Variants in MYO3B observed in about 807,000 individuals in gnomAD.
The protein encoded by MYO3B is myosin-IIIb.
Under a neutral mutation model 174.6 loss-of-function variants are expected in MYO3B, and 156 were observed. The ratio of observed to expected loss-of-function variants is 0.89; its 90% CI spans 0.78 to 1.02. The LOEUF (loss-of-function observed/expected upper bound fraction) is 1.02, where lower values mean the gene tolerates loss of function less well. Ranked by LOEUF, MYO3B falls within the 50% of genes least tolerant of loss-of-function variation. The pLI, the probability that MYO3B is intolerant of heterozygous loss-of-function variation, is 0.00. For missense variants in MYO3B, 1,632 were observed against 1,639.4 expected, an observed-to-expected ratio of 1.00 and a Z score of 0.08; for synonymous variants, 563 against 569.1, an observed-to-expected ratio of 0.99 and a Z score of 0.15.
intron 7 of MYO3B, among the ~76,000 whole-genome samples, chr2:170,278,834 T>C (rs1043282701): frequency 6.6e-6 from 1 of 152,050 alleles, no homozygotes; most frequent in Admixed American, 6.6e-5. Context: ...CCTTCATGAA[T>C]TCAATTTTTT....
At chr2:170,292,653 A>G (rs1339171901) in intron 7 of MYO3B, among the ~76,000 whole-genome samples, 1 of 152,048 alleles carries the variant, frequency 6.6e-6, no homozygotes, top group Non-Finnish European at 1.5e-5. Context: ...GCTCTAGTAA[A>G]TGATCTGAGC....
intron 28 of MYO3B, among the ~76,000 whole-genome samples, chr2:170,504,660 G>A (rs966050487): frequency 1.2e-4 from 18 of 152,110 alleles, no homozygotes; most frequent in African/African-American, 3.6e-4. Flanking sequence ...AGGACTGGGC[G>A]GCCACCATTA....
chr2:170,182,964 A>G (rs954322966), intron 1 of MYO3B, among the ~76,000 whole-genome samples: 2 of 152,084 alleles, frequency 1.3e-5, no homozygotes, highest in African/African-American at 2.4e-5. Context: ...ATTCTTAAAA[A>G]AAAACAAAGC....
At chr2:170,302,874 AC>A (rs2093674951) in intron 7 of MYO3B, among the ~76,000 whole-genome samples, 1 of 152,214 alleles carries the variant, frequency 6.6e-6, no homozygotes, top group African/African-American at 2.4e-5. Flanking sequence ...TGATGCAGCT[AC>A]AAAGAGAAGA....
intron 23 of MYO3B, among the ~76,000 whole-genome samples, chr2:170,455,786 C>T (rs1683872813): frequency 6.6e-6 from 1 of 152,160 alleles, no homozygotes; most frequent in Non-Finnish European, 1.5e-5. Context: ...TAATCATTCA[C>T]AAGGAACCAA....
rs1422773110 is a variant in MYO3B, at chr2:170,499,768, CAGAGAGAAG to C, written c.3259_3267del (p.Arg1087_Lys1089del). The C allele has an allele frequency of 3.1e-6, 5 of 1,613,952 alleles. No individual in the cohort carries two copies. Among genetic ancestry groups the C allele is most frequent in the Non-Finnish European group, 4.2e-6 (5 of 1,179,932 alleles). On this transcript the variant is annotated inframe_deletion, in exon 27 of 35. Coordinates refer to ENST00000408978, the MANE Select transcript of MYO3B (RefSeq NM_138995.5). ...TTGGAGCCAGGAGATACAAAAGGGTCAGAGAGAAGAGAGAGAAGGGAGCCATTGCCATCC... is the reference window on the plus strand; with the variant it reads ...TTGGAGCCAGGAGATACAAAAGGGTCAGAGAGAAGGGAGCCATTGCCATCC...
intron 7 of MYO3B, among the ~76,000 whole-genome samples, chr2:170,298,678 C>CA (rs71399527): frequency 0.25 from 15,940 of 62,772 alleles, 1,510 homozygotes; most frequent in Admixed American, 0.32. Context: ...GACTCTGTCT[C>CA]AAAAAAAAAA....
rs1448812079 is a variant in MYO3B at position 170,391,446 on chromosome 2, GAA to G, written c.1578-72_1578-71del. 4.4e-6 allele frequency: 3 copies of G among 682,302 alleles called. No individual in the cohort carries two copies. In the African/African-American group the frequency reaches 5.6e-5, roughly 13 times the overall value. The allele number at this position is 682,302 out of a possible 1,614,324, so 42.3% of individuals were successfully genotyped here. On this transcript the variant is annotated intron_variant, in intron 14 of 34. Transcript: ENST00000408978. Reference sequence around the variant, plus strand: ...TTGCCATGGAATAATCTTTTGTACAGAAAGGAAATGGTGTAAAATACTTGGGA... The same window carrying G: ...TTGCCATGGAATAATCTTTTGTACAGAGGAAATGGTGTAAAATACTTGGGA...
At chr2:170,599,004 T>C (rs1694320473) in intron 32 of MYO3B, among the ~76,000 whole-genome samples, 1 of 152,246 alleles carries the variant, frequency 6.6e-6, no homozygotes, top group African/African-American at 2.4e-5. Context: ...GCACATTTAA[T>C]GAAGTGCCTA....
intron 30 of MYO3B, among the ~76,000 whole-genome samples, chr2:170,539,782 G>A (rs554537386): frequency 1.2e-4 from 18 of 151,798 alleles, no homozygotes; most frequent in East Asian, 5.8e-4. Flanking sequence ...ACTATGGCCC[G>A]GCTAGTTTTT....
At chr2:170,547,708 A>G (rs1399223193) in intron 32 of MYO3B, among the ~76,000 whole-genome samples, 2 of 152,248 alleles carry the variant, frequency 1.3e-5, no homozygotes, top group East Asian at 3.8e-4. Context: ...AATTACTAAC[A>G]AAATAATCAT....
chr2:170,255,342 C>G (rs938956352), intron 7 of MYO3B, among the ~76,000 whole-genome samples: 4 of 152,162 alleles, frequency 2.6e-5, no homozygotes, highest in East Asian at 3.9e-4. Context: ...TGCTCCTCCC[C>G]CCTTCCCTCA....
chr2:170,187,687 A>G (rs1426599461), intron 1 of MYO3B, among the ~76,000 whole-genome samples: 2 of 152,166 alleles, frequency 1.3e-5, no homozygotes, highest in Non-Finnish European at 2.9e-5. Context: ...CATTTGATAC[A>G]ATACACTTTT....
chr2:170,343,077 A>ACC (rs1553469092), intron 8 of MYO3B, among the ~76,000 whole-genome samples: 2 of 108,300 alleles, frequency 1.8e-5, no homozygotes, highest in Non-Finnish European at 2.0e-5. Context: ...ACACACACAC[A>ACC]CCCCTCTCCA....
chr2:170,410,204 C>T (rs1360744827), intron 22 of MYO3B, among the ~76,000 whole-genome samples: 1 of 152,150 alleles, frequency 6.6e-6, no homozygotes, highest in East Asian at 1.9e-4. Context: ...GTTCAGTAAG[C>T]ATATATATTA....
intron 32 of MYO3B, among the ~76,000 whole-genome samples, chr2:170,568,269 T>G (rs1316456846): frequency 6.6e-6 from 1 of 152,096 alleles, no homozygotes; most frequent in Non-Finnish European, 1.5e-5. Context: ...GTGGTATATA[T>G]TCCCAGATAC....
chr2:170,380,320 A>G (rs1256571966), intron 9 of MYO3B, among the ~76,000 whole-genome samples: 2 of 152,168 alleles, frequency 1.3e-5, no homozygotes, highest in Non-Finnish European at 2.9e-5. Flanking sequence ...GTTAACAAGG[A>G]TGTAAGAATA....
chr2:170,259,961 GA>G lies in MYO3B; in HGVS notation c.749+23836del, dbSNP rs370610648. The stretch of plus-strand genomic sequence containing the variant: ...AGACACACAAGCAGCCAACAAACAT[GA>G]AAAAAAAAAAGCTCAACACCACTAA... On this transcript the variant is annotated intron_variant, in intron 7 of 34. Coordinates refer to ENST00000408978, the MANE Select transcript of MYO3B (RefSeq NM_138995.5). Among the ~76,000 whole-genome samples, 110 of 138,848 alleles carry G rather than the reference GA, an allele frequency of 7.9e-4. 1 individual carries two copies. Among genetic ancestry groups the G allele is most frequent in the Middle Eastern group, 3.6e-3 (1 of 278 alleles). 91.1% of individuals were successfully genotyped at this position (138,848 alleles called of 152,430 possible).
At chr2:170,272,497 A>C (rs1379112663) in intron 7 of MYO3B, among the ~76,000 whole-genome samples, 2 of 152,172 alleles carry the variant, frequency 1.3e-5, no homozygotes, top group Non-Finnish European at 2.9e-5. Context: ...AGGGAGCCCA[A>C]GTTTTCCTCC....
Sources: allele counts gnomAD v4.1 joint callset (sites outside exome capture counted in the v4.1 genomes callset), GRCh38; gene constraint gnomAD v4.1.1; transcripts MANE v1.5; gene names NCBI Gene and HGNC (gene_info 2026-07-23, HGNC 2026-07-21).